Variants in CEP112 observed in about 807,000 individuals in gnomAD.
The protein encoded by CEP112 is centrosomal protein of 112 kDa.
CEP112 carries 127 observed loss-of-function variants against 153.0 expected under a neutral mutation model. The observed-to-expected ratio is 0.83, with a 90% CI of 0.72 to 0.96. CEP112 has a LOEUF of 0.96. Ranked by LOEUF, CEP112 falls within the 40% of genes least tolerant of loss-of-function variation. CEP112 has a pLI of 0.00. For synonymous variants in CEP112, 358 were observed against 374.4 expected, an observed-to-expected ratio of 0.96 and a Z score of 0.51; for missense variants, 1,089 against 1,101.2, an observed-to-expected ratio of 0.99 and a Z score of 0.16.
chr17:65,702,460 T>C (rs898297632), intron 23 of CEP112, among the ~76,000 whole-genome samples: 5 of 152,148 alleles, frequency 3.3e-5, no homozygotes, highest in African/African-American at 4.8e-5. Flanking sequence ...CAGTTACCCA[T>C]GGTCAACTGT....
intron 21 of CEP112, among the ~76,000 whole-genome samples, chr17:65,822,111 T>C (rs2056618838): frequency 6.6e-6 from 1 of 151,872 alleles, no homozygotes; most frequent in African/African-American, 2.4e-5. Flanking sequence ...CATTTTATTT[T>C]TAAAAGAATG....
At chr17:66,002,355 C>A (rs866893548) in intron 17 of CEP112, among the ~76,000 whole-genome samples, 40 of 152,154 alleles carry the variant, frequency 2.6e-4, no homozygotes, top group African/African-American at 3.1e-4. Flanking sequence ...ACAAGACTAT[C>A]CCTACATGGT....
chr17:66,050,359 G>C (rs559893616), intron 12 of CEP112, among the ~76,000 whole-genome samples: 1 of 152,122 alleles, frequency 6.6e-6, no homozygotes, highest in Non-Finnish European at 1.5e-5. Flanking sequence ...AAGGATTCTA[G>C]AGCCTCAAGG....
chr17:65,930,459 A>G (rs2061080575), intron 18 of CEP112, among the ~76,000 whole-genome samples: 1 of 152,194 alleles, frequency 6.6e-6, no homozygotes, highest in Admixed American at 6.5e-5. Context: ...TTGAAGTTTG[A>G]ATGCCCTCTA....
At chr17:66,115,029 A>T (rs2069221930) in intron 6 of CEP112, among the ~76,000 whole-genome samples, 1 of 151,992 alleles carries the variant, frequency 6.6e-6, no homozygotes, top group African/African-American at 2.4e-5. Flanking sequence ...ACATGGTGAA[A>T]CCCTGTCTCT....
At chr17:66,008,895 C>A (rs937427476) in intron 16 of CEP112, among the ~76,000 whole-genome samples, 12 of 152,012 alleles carry the variant, frequency 7.9e-5, no homozygotes, top group Admixed American at 7.2e-4. Flanking sequence ...TTCTTCCATC[C>A]ATAGATGAAC....
chr17:65,742,958 T>C, intron 23 of CEP112, 110 bp downstream of exon 23: 1 of 784,444 alleles, frequency 1.3e-6, no homozygotes, highest in Non-Finnish European at 2.0e-6. Flanking sequence ...CTGCAGGCTG[T>C]GTGAACAAGC....
chr17:66,142,243 A>G (rs2070733336), intron 4 of CEP112, among the ~76,000 whole-genome samples: 1 of 152,204 alleles, frequency 6.6e-6, no homozygotes, highest in Non-Finnish European at 1.5e-5. Flanking sequence ...TACTTTATAT[A>G]GATTGAATAT....
chr17:65,649,051 A>AAAACAAACAAAC (rs765883855), intron 24 of CEP112, among the ~76,000 whole-genome samples: 4 of 146,182 alleles, frequency 2.7e-5, no homozygotes, highest in African/African-American at 7.7e-5. Context: ...AGTCTGTCTC[A>AAAACAAACAAAC]AAACAAACAA....
At chr17:66,074,266 T>A (rs919026951) in intron 8 of CEP112, among the ~76,000 whole-genome samples, 1 of 152,022 alleles carries the variant, frequency 6.6e-6, no homozygotes, top group African/African-American at 2.4e-5. Context: ...GTAAATTTGA[T>A]GACAGAACAA....
chr17:66,192,043 G>A lies in CEP112; in HGVS notation c.-55C>T. On this transcript the variant is annotated 5_prime_UTR_variant, in exon 1 of 27. Coordinates refer to ENST00000535342, the MANE Select transcript of CEP112 (RefSeq NM_001199165.4). ...TTTCCGCTCGGCCGCTGCCGCCAACGCCGCCGCCACCGCCGCCCCTGCCAA... is the reference window on the plus strand; with the variant it reads ...TTTCCGCTCGGCCGCTGCCGCCAACACCGCCGCCACCGCCGCCCCTGCCAA... 1 of 154,164 alleles carries A rather than the reference G, an allele frequency of 6.5e-6. No homozygotes were observed. The highest frequency in any genetic ancestry group is 1.5e-5 in the Non-Finnish European group (1 of 68,886). 9.5% of individuals were successfully genotyped at this position (154,164 alleles called of 1,614,324 possible).
At chr17:65,655,468 T>G (rs2046017178) in intron 24 of CEP112, 5 of 918,034 alleles carry the variant, frequency 5.4e-6, no homozygotes, top group Admixed American at 1.8e-5. Flanking sequence ...ACAGTGTTTA[T>G]GTACTCTTAG....
chr17:66,156,547 G>A (rs2146722670), intron 4 of CEP112, among the ~76,000 whole-genome samples: 1 of 152,248 alleles, frequency 6.6e-6, no homozygotes, highest in Admixed American at 6.5e-5. Context: ...CGAATTTACA[G>A]AAGTAGGCTT....
chr17:66,186,283 T>C (rs1490867111), intron 1 of CEP112, among the ~76,000 whole-genome samples: 2 of 152,128 alleles, frequency 1.3e-5, no homozygotes, highest in African/African-American at 2.4e-5. Context: ...TCTTGTCCTC[T>C]TTTTTCTTTT....
At position 65,890,920 on chromosome 17, in the gene CEP112, G is replaced by T. The variant is rs959807158; in HGVS notation, c.2163+11232C>A. Among the ~76,000 whole-genome samples the T allele has an allele frequency of 2.0e-5, 3 of 152,260 alleles. No individual in the cohort carries two copies. The East Asian group carries it at 5.8e-4, about 29-fold the overall frequency. On this transcript the variant is annotated intron_variant, in intron 20 of 26. Coordinates refer to ENST00000535342, the MANE Select transcript of CEP112 (RefSeq NM_001199165.4). Reference sequence around the variant, plus strand: ...TATACCACGCAGCCTTTGATGTGTGGTAAGATGCGTCCTCTGTCTACGTTA... The same window carrying T: ...TATACCACGCAGCCTTTGATGTGTGTTAAGATGCGTCCTCTGTCTACGTTA...
intron 23 of CEP112, 38 bp from the exon 24 acceptor site, chr17:65,689,256 G>T: frequency 1.4e-6 from 2 of 1,447,160 alleles, no homozygotes; most frequent in South Asian, 1.1e-5. Flanking sequence ...TTAATAATTA[G>T]CACACTTGGA....
Position 66,063,018 on chromosome 17 carries a change from A to T in CEP112, c.1019T>A (p.Leu340Gln). 6.2e-7 allele frequency: 1 copy of T among 1,601,028 alleles called. No individual in the cohort carries two copies. Among genetic ancestry groups the T allele is most frequent in the Non-Finnish European group, 8.5e-7 (1 of 1,174,338 alleles). Residue 340 changes from leucine to glutamine, a missense_variant, in exon 11 of 27, where the codon CTG becomes CAG. Leu to Gln is a moderately radical substitution (Grantham distance 113). Transcript: ENST00000535342. Reference protein sequence around the residue: ...RETKEDQIAELKKICEQSTES... With the variant: ...RETKEDQIAEQKKICEQSTES... ...CGTACTTTGTTCACATATCTTTTTC[A>T]GCTCTGCAATCTGGTCTTCTTTAGT...
At chr17:65,995,695 T>C (rs575181339) in intron 17 of CEP112, among the ~76,000 whole-genome samples, 2 of 152,332 alleles carry the variant, frequency 1.3e-5, no homozygotes, top group Non-Finnish European at 2.9e-5. Context: ...TTTTACAAAA[T>C]GTCTGATTTT....
intron 4 of CEP112, among the ~76,000 whole-genome samples, chr17:66,148,914 CTTA>C (rs1033749496): frequency 2.6e-5 from 4 of 152,120 alleles, no homozygotes; most frequent in African/African-American, 9.7e-5. Flanking sequence ...TGTTCCTGAT[CTTA>C]GAGGAAAAGC....
Sources: gnomAD v4.1 joint callset for allele counts (sites outside exome capture counted in the v4.1 genomes callset) on GRCh38, gnomAD v4.1.1 for gene constraint, MANE v1.5 for transcripts, NCBI Gene and HGNC (gene_info 2026-07-23, HGNC 2026-07-21) for gene names.